SPAST: variants seen among roughly 807,000 people sequenced by gnomAD.
The protein encoded by SPAST is spastic paraplegia 4 (autosomal dominant; spastin).
In SPAST, 30 loss-of-function variants were observed where a neutral mutation model predicts 76.6. That is an observed-to-expected ratio of 0.39 (90% CI 0.29 to 0.53). SPAST has a LOEUF of 0.53. Among genes scored for constraint, SPAST ranks in the 20% least tolerant of loss-of-function variants. SPAST has a pLI of 0.68. For missense variants in SPAST, 717 were observed against 770.5 expected (o/e 0.93, Z 0.82); for synonymous variants, 305 against 281.0 (o/e 1.09, Z -0.86).
In SPAST at chr2:32,147,235, G is replaced by T; in HGVS notation, c.1705G>T (p.Val569Leu). Residue 569 changes from valine to leucine, a missense_variant, in exon 16 of 17, where the codon GTG (valine) becomes TTG (leucine). By Grantham distance (32) the Val-to-Leu change is conservative. Transcript: ENST00000315285. Reference protein sequence around the residue: ...GPIRELKPEQVKNMSASEMRN... With the variant: ...GPIRELKPEQLKNMSASEMRN... The stretch of plus-strand genomic sequence containing the variant: ...TTTTACAGAACTAAAACCAGAACAG[G>T]TGAAGAATATGTCTGCCAGTGAGGT... 6.2e-7 allele frequency: 1 copy of T among 1,608,014 alleles called. No individual in the cohort carries two copies. Among genetic ancestry groups the T allele is most frequent in the South Asian group, 1.1e-5 (1 of 90,920 alleles).
chr2:32,137,258 A>G (rs1679571327), intron 12 of SPAST, 70 bp downstream of exon 12: 1 of 1,170,020 alleles, frequency 8.5e-7, no homozygotes, highest in East Asian at 2.3e-5. Flanking sequence ...CATCTTACAT[A>G]TTATTTCCTT....
intron 4 of SPAST, among the ~76,000 whole-genome samples, chr2:32,110,830 A>G (rs943488478): frequency 8.4e-6 from 1 of 119,110 alleles, no homozygotes; most frequent in Non-Finnish European, 1.7e-5. Context: ...TAGAGTATAT[A>G]TACAGTATAC....
At chr2:32,149,126 G>C (rs1679990934) in intron 16 of SPAST, among the ~76,000 whole-genome samples, 1 of 151,310 alleles carries the variant, frequency 6.6e-6, no homozygotes, top group Non-Finnish European at 1.5e-5. Flanking sequence ...CTCTGGCTCT[G>C]TCACCCAGGC....
At chr2:32,152,388 T>A (rs1206146112) in intron 16 of SPAST, among the ~76,000 whole-genome samples, 1 of 152,028 alleles carries the variant, frequency 6.6e-6, no homozygotes. Context: ...GATAACATGG[T>A]GAAATCCTCA....
chr2:32,142,925 C>T (rs1679768302), intron 13 of SPAST, among the ~76,000 whole-genome samples: 1 of 152,006 alleles, frequency 6.6e-6, no homozygotes, highest in South Asian at 2.1e-4. Context: ...TGGTTTTTTG[C>T]AGCAAAATAT....
intron 7 of SPAST, among the ~76,000 whole-genome samples, chr2:32,125,759 G>T (rs1679168888): frequency 6.6e-6 from 1 of 151,988 alleles, no homozygotes. Context: ...TTGGTGGGGA[G>T]TTCCTCATAC....
intron 2 of SPAST, among the ~76,000 whole-genome samples, chr2:32,088,982 T>A (rs1337228376): frequency 6.6e-6 from 1 of 152,130 alleles, no homozygotes; most frequent in African/African-American, 2.4e-5. Flanking sequence ...TTAGACCCCA[T>A]GAAATAAGAC....
intron 3 of SPAST, among the ~76,000 whole-genome samples, chr2:32,091,522 C>G (rs1313112218): frequency 5.4e-5 from 8 of 148,424 alleles, no homozygotes; most frequent in Admixed American, 5.4e-4. Context: ...AGTGATCCAT[C>G]CACCTCAGCC....
intron 7 of SPAST, among the ~76,000 whole-genome samples, chr2:32,120,913 T>A (rs1678996100): frequency 6.6e-6 from 1 of 152,186 alleles, no homozygotes; most frequent in Non-Finnish European, 1.5e-5. Context: ...TGTCAAGATT[T>A]AAGTTGGAAA....
chr2:32,083,776 A>ATATTTTTT (rs1553398791), intron 1 of SPAST, among the ~76,000 whole-genome samples: 1 of 46,088 alleles, frequency 2.2e-5, no homozygotes, highest in Non-Finnish European at 3.7e-5. Context: ...ATATATATAT[A>ATATTTTTT]TTTTTTTTTT....
At chr2:32,080,467 C>T (rs900807231) in intron 1 of SPAST, among the ~76,000 whole-genome samples, 3 of 77,604 alleles carry the variant, frequency 3.9e-5, no homozygotes, top group Non-Finnish European at 8.4e-5. Flanking sequence ...ATTTAAACTA[C>T]AAGTGGTTGT....
Position 32,121,705 on chromosome 2 carries a change from G to A in SPAST, c.1099-5243G>A, listed in dbSNP as rs192404131. On this transcript the variant is annotated intron_variant, in intron 7 of 16. Coordinates refer to ENST00000315285, the MANE Select transcript of SPAST (RefSeq NM_014946.4). The stretch of plus-strand genomic sequence containing the variant: ...ACAGGTGCCCACCACCACCATGCCC[G>A]GCTAATTGTTGTATTTTTAGTAGAG... Among the ~76,000 whole-genome samples, 633 of 151,490 alleles carry A rather than the reference G, an allele frequency of 4.2e-3. 8 individuals are homozygous for A. Among genetic ancestry groups the A allele is most frequent in the African/African-American group, 0.014 (596 of 41,332 alleles).
chr2:32,110,065 T>C (rs989446185), intron 4 of SPAST, among the ~76,000 whole-genome samples: 22 of 148,860 alleles, frequency 1.5e-4, no homozygotes, highest in Non-Finnish European at 3.1e-4. Context: ...CAGTTATATA[T>C]GTATTTGTAT....
rs375585004 is a variant in SPAST at position 32,089,199 on chromosome 2, ATTTTT to A, written c.503-308_503-304del. On this transcript the variant is annotated intron_variant, in intron 2 of 16. Coordinates refer to ENST00000315285, the MANE Select transcript of SPAST (RefSeq NM_014946.4). ...CAACTCACCCTCCCATGCTCGGCTA[ATTTTT>A]TTTTTTTTTTTTTTAAGTAGAGACC... Among the ~76,000 whole-genome samples, 10 of 89,890 alleles carry A rather than the reference ATTTTT, an allele frequency of 1.1e-4. No homozygotes were observed. The East Asian group carries it at 2.9e-3, about 26-fold the overall frequency. 59.0% of individuals were successfully genotyped at this position (89,890 alleles called of 152,430 possible).
chr2:32,109,180 C>T (rs1189463198), intron 4 of SPAST, among the ~76,000 whole-genome samples: 1 of 152,106 alleles, frequency 6.6e-6, no homozygotes, highest in Non-Finnish European at 1.5e-5. Flanking sequence ...ACGATTTCAG[C>T]TCACTGCAAC....
chr2:32,143,538 T>A, intron 14 of SPAST, 123 bp downstream of exon 14: 2 of 680,344 alleles, frequency 2.9e-6, no homozygotes, highest in Non-Finnish European at 5.2e-6. Flanking sequence ...GAAGACTTTC[T>A]CTCATCCTCT....
intron 1 of SPAST, among the ~76,000 whole-genome samples, chr2:32,070,725 G>C (rs1325491549): frequency 6.6e-6 from 1 of 152,062 alleles, no homozygotes; most frequent in Non-Finnish European, 1.5e-5. Flanking sequence ...AGCCTCGCAG[G>C]CTCAATCGAT....
chr2:32,112,351 T>TC (rs1312718701), intron 4 of SPAST, among the ~76,000 whole-genome samples: 1 of 151,136 alleles, frequency 6.6e-6, no homozygotes, highest in East Asian at 1.9e-4. Flanking sequence ...TGTGGCTTTT[T>TC]TTTTTTTTTT....
intron 7 of SPAST, among the ~76,000 whole-genome samples, chr2:32,124,449 A>T (rs1679125343): frequency 6.6e-6 from 1 of 152,170 alleles, no homozygotes; most frequent in Non-Finnish European, 1.5e-5. Flanking sequence ...ACCATTTTGG[A>T]AGGTAGTTGG....
Sources: gnomAD v4.1 joint callset for allele counts (sites outside exome capture counted in the v4.1 genomes callset) on GRCh38, gnomAD v4.1.1 for gene constraint, MANE v1.5 for transcripts, NCBI Gene and HGNC (gene_info 2026-07-23, HGNC 2026-07-21) for gene names.